Variants in OR4F3 observed in about 807,000 individuals in gnomAD.
The protein encoded by OR4F3 is olfactory receptor family 4 subfamily F member 3, also known as olfactory receptor 4F3/4F16/4F29.
the OR4F3 span, among the ~76,000 whole-genome samples, chr5:181,355,628 G>A: frequency 3.7e-4 from 37 of 100,724 alleles, no homozygotes; most frequent in African/African-American, 1.5e-3. Context: ...GGTCAAAGCA[G>A]TCAAAGAGCC....
chr5:181,363,909 G>T (rs1248596532), upstream of OR4F3, among the ~76,000 whole-genome samples: 1 of 80,506 alleles, frequency 1.2e-5, no homozygotes, highest in Non-Finnish European at 2.2e-5. Context: ...AAAGTCCGTA[G>T]CATCCCCAAA....
chr5:181,362,451 G>A (rs1280292774), upstream of OR4F3, among the ~76,000 whole-genome samples: 6 of 123,646 alleles, frequency 4.9e-5, no homozygotes, highest in East Asian at 6.4e-4. Context: ...AGGAAAGGGC[G>A]TAGCGTGGTC....
At chr5:181,362,352 G>A (rs1184192743), upstream of OR4F3, among the ~76,000 whole-genome samples, 3 of 114,828 alleles carry the variant, frequency 2.6e-5, 1 homozygote, top group Non-Finnish European at 5.1e-5. Context: ...AATATCCAGT[G>A]TTATCTGAAG....
chr5:181,356,595 C>T, the OR4F3 span, among the ~76,000 whole-genome samples: 1 of 134,444 alleles, frequency 7.4e-6, no homozygotes, highest in Non-Finnish European at 1.6e-5. Context: ...ACTCTGGCCT[C>T]GCGGAGCAGA....
upstream of OR4F3, among the ~76,000 whole-genome samples, chr5:181,362,734 TGGTA>T (rs1761081436): frequency 1.2e-5 from 1 of 85,628 alleles, no homozygotes; most frequent in Non-Finnish European, 2.2e-5. Flanking sequence ...CTATACTATG[TGGTA>T]GGTATGAGGT....
At chr5:181,358,461 A>G in the OR4F3 span, among the ~76,000 whole-genome samples, 1 of 122,262 alleles carries the variant, frequency 8.2e-6, no homozygotes. Context: ...AGGATTGACT[A>G]TGGCTTAGAG....
chr5:181,360,771 C>T, the OR4F3 span, among the ~76,000 whole-genome samples: 18 of 131,690 alleles, frequency 1.4e-4, no homozygotes, highest in African/African-American at 5.3e-4. Context: ...GTCCTCCTAC[C>T]TCTGTGATGT....
the OR4F3 span, among the ~76,000 whole-genome samples, chr5:181,359,582 A>G: frequency 8.0e-6 from 1 of 124,800 alleles, no homozygotes; most frequent in South Asian, 2.5e-4. Flanking sequence ...AATATGCTTT[A>G]TTTCACCCAA....
chr5:181,360,705 TCTC>T, the OR4F3 span, among the ~76,000 whole-genome samples: 1 of 128,984 alleles, frequency 7.8e-6, no homozygotes, highest in East Asian at 2.0e-4. Flanking sequence ...TGTTCTCTCT[TCTC>T]CTCCTTTATT....
chr5:181,363,922 A>G (rs1267251148), upstream of OR4F3, among the ~76,000 whole-genome samples: 1 of 77,548 alleles, frequency 1.3e-5, no homozygotes, highest in Admixed American at 1.1e-4. Flanking sequence ...TCCCCAAATG[A>G]GTGTGTTAAA....
At chr5:181,361,591 C>A in the OR4F3 span, among the ~76,000 whole-genome samples, 3 of 125,588 alleles carry the variant, frequency 2.4e-5, no homozygotes, top group African/African-American at 1.1e-4. Flanking sequence ...ACCAAACTTA[C>A]CATTTTTGAA....
chr5:181,354,437 G>A, the OR4F3 span, among the ~76,000 whole-genome samples: 1 of 131,350 alleles, frequency 7.6e-6, no homozygotes, highest in Admixed American at 7.2e-5. Flanking sequence ...TTCAGAGAAT[G>A]TATGGAAATG....
At chr5:181,362,545 G>A (rs148331178), upstream of OR4F3, among the ~76,000 whole-genome samples, 1 of 123,796 alleles carries the variant, frequency 8.1e-6, no homozygotes, top group East Asian at 2.1e-4. Context: ...TGGGGGGGGT[G>A]CTGGGAAATA....
chr5:181,358,841 G>A, the OR4F3 span, among the ~76,000 whole-genome samples: 1 of 38,184 alleles, frequency 2.6e-5, no homozygotes, highest in African/African-American at 1.3e-4. Flanking sequence ...TTAAACTTTT[G>A]ATGTCCAGAA....
the OR4F3 span, among the ~76,000 whole-genome samples, chr5:181,358,343 AG>A: frequency 1.5e-5 from 2 of 132,052 alleles, 1 homozygote; most frequent in Non-Finnish European, 3.2e-5. Context: ...TACTTGTGTA[AG>A]GATATTGTGG....
At chr5:181,362,532 T>C (rs1172875343), upstream of OR4F3, among the ~76,000 whole-genome samples, 2 of 124,848 alleles carry the variant, frequency 1.6e-5, no homozygotes, top group Non-Finnish European at 3.3e-5. Flanking sequence ...AGCAATTTTT[T>C]TTTGGGGGGG....
the OR4F3 span, among the ~76,000 whole-genome samples, chr5:181,359,275 ATTT>A: frequency 1.4e-5 from 1 of 69,302 alleles, no homozygotes; most frequent in Admixed American, 1.4e-4. Context: ...AATTATGAGG[ATTT>A]CATAGAATTT....
At chr5:181,360,747 C>T in the OR4F3 span, among the ~76,000 whole-genome samples, 1 of 131,290 alleles carries the variant, frequency 7.6e-6, no homozygotes, top group East Asian at 2.0e-4. Flanking sequence ...GTTGTCTCCT[C>T]TAGGCCAGCA....
chr5:181,359,195 C>G, the OR4F3 span, among the ~76,000 whole-genome samples: 3 of 125,916 alleles, frequency 2.4e-5, no homozygotes, highest in African/African-American at 1.0e-4. Flanking sequence ...CTTTTAATAT[C>G]TATGTAATTT....
Sources: gnomAD v4.1 joint callset for allele counts (sites outside exome capture counted in the v4.1 genomes callset) on GRCh38, gnomAD v4.1.1 for gene constraint, MANE v1.5 for transcripts, NCBI Gene and HGNC (gene_info 2026-07-23, HGNC 2026-07-21) for gene names.